BTBD8: variants seen among roughly 807,000 people sequenced by gnomAD.
BTBD8 encodes the protein BTB domain containing 8.
Under a neutral mutation model 162.9 loss-of-function variants are expected in BTBD8, and 110 were observed. The ratio of observed to expected loss-of-function variants is 0.68; its 90% CI spans 0.58 to 0.79. BTBD8 has a LOEUF of 0.79. BTBD8 is among the 30% of genes least tolerant of loss of function. BTBD8 has a pLI of 0.00. For synonymous variants in BTBD8, 667 were observed against 716.1 expected (o/e 0.93, Z 1.10); for missense variants, 1,905 against 2,085.4 (o/e 0.91, Z 1.68).
At chr1:92,170,404 G>A (rs764616316) in intron 12 of BTBD8, among the ~76,000 whole-genome samples, 11 of 152,154 alleles carry the variant, frequency 7.2e-5, no homozygotes, top group Non-Finnish European at 1.5e-4. Context: ...ACTACATTTC[G>A]TATGTCATAG....
intron 12 of BTBD8, 60 bp downstream of exon 12, chr1:92,169,055 T>A (rs1385811824): frequency 7.1e-7 from 1 of 1,417,412 alleles, no homozygotes; most frequent in Non-Finnish European, 9.5e-7. Context: ...AGCAGATATT[T>A]TGAGGGCATT....
chr1:92,080,410 T>A lies in BTBD8; in HGVS notation c.-162T>A. 9.4e-7 allele frequency: 1 copy of A among 1,062,980 alleles called. No homozygotes were observed. Among genetic ancestry groups the A allele is most frequent in the Non-Finnish European group, 1.3e-6 (1 of 763,376 alleles). 65.8% of individuals were successfully genotyped at this position (1,062,980 alleles called of 1,614,324 possible). ...GCTCCCCACCGCGGTCCGGCTTCTC[T>A]GGGAGACTGTCTACAAACCGACGAG... is the stretch of plus-strand genomic sequence containing the variant. On this transcript the variant is annotated 5_prime_UTR_variant, in exon 1 of 18. Transcript: ENST00000636805.
intron 4 of BTBD8, among the ~76,000 whole-genome samples, chr1:92,129,300 TAGTG>T (rs1266281699): frequency 6.6e-6 from 1 of 152,062 alleles, no homozygotes; most frequent in East Asian, 1.9e-4. Context: ...CTGGACAACA[TAGTG>T]AGACCCCATT....
At chr1:92,123,486 A>G (rs768406158) in intron 4 of BTBD8, among the ~76,000 whole-genome samples, 1 of 152,180 alleles carries the variant, frequency 6.6e-6, no homozygotes, top group Non-Finnish European at 1.5e-5. Context: ...TTCACTCTCC[A>G]TTAGGTCTTT....
chr1:92,082,220 T>C (rs188021076), intron 1 of BTBD8, among the ~76,000 whole-genome samples: 2 of 152,310 alleles, frequency 1.3e-5, no homozygotes, highest in East Asian at 3.9e-4. Flanking sequence ...GCAAGGTTTT[T>C]TTTTAAAACA....
At chr1:92,182,727 A>G in intron 17 of BTBD8, 132 bp downstream of exon 17, 1 of 515,874 alleles carries the variant, frequency 1.9e-6, no homozygotes, top group Non-Finnish European at 3.2e-6. Flanking sequence ...AAAATTTTAA[A>G]TGAAAAATGT....
chr1:92,179,722 G>C (rs1650830520), intron 16 of BTBD8, among the ~76,000 whole-genome samples: 1 of 152,134 alleles, frequency 6.6e-6, no homozygotes, highest in Non-Finnish European at 1.5e-5. Context: ...GGAGATCTAA[G>C]TTGTTAATCC....
chr1:92,105,301 G>C (rs1025150256), intron 3 of BTBD8, among the ~76,000 whole-genome samples: 6 of 151,646 alleles, frequency 4.0e-5, no homozygotes, highest in African/African-American at 1.5e-4. Context: ...CACCCAGGCA[G>C]GAGTACAGTG....
At chr1:92,165,531 C>G (rs574108460) in intron 9 of BTBD8, among the ~76,000 whole-genome samples, 8 of 151,844 alleles carry the variant, frequency 5.3e-5, no homozygotes, top group Non-Finnish European at 1.5e-5. Flanking sequence ...AGAGGCTGTG[C>G]AGAGTCCACA....
At chr1:92,093,487 C>T (rs528142033) in intron 2 of BTBD8, among the ~76,000 whole-genome samples, 27 of 152,222 alleles carry the variant, frequency 1.8e-4, no homozygotes, top group African/African-American at 6.3e-4. Context: ...CCACCGCACC[C>T]AGCCGAAATA....
intron 10 of BTBD8, 136 bp downstream of exon 10, chr1:92,167,276 T>C: frequency 1.7e-6 from 2 of 1,151,626 alleles, no homozygotes; most frequent in Non-Finnish European, 2.4e-6. Context: ...GATGGCATGT[T>C]TACATAGGAT....
At chr1:92,106,660 CAAAAAAA>C (rs60676530) in intron 3 of BTBD8, among the ~76,000 whole-genome samples, 15 of 9,948 alleles carry the variant, frequency 1.5e-3, no homozygotes, top group African/African-American at 3.2e-3. Flanking sequence ...GACTCTGTCT[CAAAAAAA>C]AAAAAAAAAA....
chr1:92,085,336 A>C (rs1028920236), intron 1 of BTBD8, among the ~76,000 whole-genome samples: 2 of 152,362 alleles, frequency 1.3e-5, no homozygotes, highest in South Asian at 2.1e-4. Context: ...TTATGCCTGT[A>C]ATCCCAGCAC....
In BTBD8 at chr1:92,168,837, C is replaced by G. The variant is rs771792192; in HGVS notation, c.1444-29C>G. On this transcript the variant is annotated intron_variant, in intron 11 of 17. Coordinates refer to ENST00000636805, the MANE Select transcript of BTBD8 (RefSeq NM_001376131.1). The stretch of plus-strand genomic sequence containing the variant: ...GGTTGCTATGACAATGTGGCTCTCA[C>G]CAGCTGCTGATTTGTTGCTTGAACA... The G allele has an allele frequency of 1.0e-5, 15 of 1,487,400 alleles. 1 individual carries two copies. The South Asian group carries it at 1.7e-4, about 17-fold the overall frequency. The allele number at this position is 1,487,400 out of a possible 1,614,324, so 92.1% of individuals were successfully genotyped here.
chr1:92,184,140 A>T lies in BTBD8; in HGVS notation c.5189A>T (p.Asn1730Ile). The T allele has an allele frequency of 6.4e-7, 1 of 1,551,690 alleles. No individual in the cohort carries two copies. Among genetic ancestry groups the T allele is most frequent in the Non-Finnish European group, 8.7e-7 (1 of 1,146,886 alleles). Residue 1730 changes from asparagine (N) to isoleucine (I), a missense_variant, in exon 18 of 18, where the codon AAT becomes ATT. Coordinates refer to ENST00000636805, the MANE Select transcript of BTBD8 (RefSeq NM_001376131.1). ...TTAAGTTTAGCACAGTATCTAATCA[A>T]TCAGACACTACTTTTAGCACGAGAT... is the stretch of plus-strand genomic sequence containing the variant. ...EDLSLAQYLI[N>I]QTLLLARDSS... is the part of the protein sequence containing the mutation.
In BTBD8 at chr1:92,167,079, C is replaced by T. The variant is rs898277398; in HGVS notation, c.1244C>T (p.Ala415Val). The change falls in exon 10 of 18, where the codon GCA becomes GTA. Residue 415 changes from alanine to valine, a missense_variant. Coordinates refer to ENST00000636805, the MANE Select transcript of BTBD8 (RefSeq NM_001376131.1). ...TCTCAGCTTCAAGAAAAATGTATTG[C>T]ATTTATTGTAGACAACTTCTCCAAG... ...MASQLQEKCI[A>V]FIVDNFSKII... 6 of 1,550,416 alleles carry T rather than the reference C, an allele frequency of 3.9e-6. No individual in the cohort carries two copies. The highest frequency in any genetic ancestry group is 5.2e-6 in the Non-Finnish European group (6 of 1,146,980).
In BTBD8 at chr1:92,171,708, G is replaced by A. The variant is rs1650551648; in HGVS notation, c.1635+248G>A. Among the ~76,000 whole-genome samples, 4 of 152,214 alleles carry A rather than the reference G, an allele frequency of 2.6e-5. No individual in the cohort carries two copies. The South Asian group carries it at 8.3e-4, about 32-fold the overall frequency. ...CTTGAAAACCTTTTTGGCAGCTAAC[G>A]TATTAGAGCTATTTCAGTCTATTAG... is the stretch of plus-strand genomic sequence containing the variant. On this transcript the variant is annotated intron_variant, in intron 13 of 17. Transcript: ENST00000636805.
At chr1:92,164,701 C>A (rs1650345862) in intron 9 of BTBD8, among the ~76,000 whole-genome samples, 1 of 146,994 alleles carries the variant, frequency 6.8e-6, no homozygotes, top group Non-Finnish European at 1.5e-5. Flanking sequence ...TTGCTCTGTC[C>A]CCCAGGCTGG....
At chr1:92,121,671 G>T (rs1649213571) in intron 4 of BTBD8, among the ~76,000 whole-genome samples, 1 of 152,088 alleles carries the variant, frequency 6.6e-6, no homozygotes, top group African/African-American at 2.4e-5. Context: ...TCCACTGTAA[G>T]CAAAATATAG....
Sources: gnomAD v4.1 joint callset for allele counts (sites outside exome capture counted in the v4.1 genomes callset) on GRCh38, gnomAD v4.1.1 for gene constraint, MANE v1.5 for transcripts, NCBI Gene and HGNC (gene_info 2026-07-23, HGNC 2026-07-21) for gene names.